PACSIN1: variants seen among roughly 807,000 people sequenced by gnomAD.
PACSIN1 encodes the protein protein kinase C and casein kinase substrate in neurons protein 1.
PACSIN1 carries 15 observed loss-of-function variants against 59.5 expected under a neutral mutation model. The observed-to-expected ratio is 0.25, with a 90% CI of 0.17 to 0.39. The LOEUF (loss-of-function observed/expected upper bound fraction) is 0.39. Among genes scored for constraint, PACSIN1 ranks in the 10% least tolerant of loss-of-function variants. The pLI, the probability that PACSIN1 is intolerant of heterozygous loss-of-function variation, is 1.00. For synonymous variants in PACSIN1, 210 were observed against 220.6 expected, an observed-to-expected ratio of 0.95 and a Z score of 0.42; for missense variants, 420 against 580.2, an observed-to-expected ratio of 0.72 and a Z score of 2.84.
chr6:34,512,085 G>A (rs572229996), intron 1 of PACSIN1, among the ~76,000 whole-genome samples: 5 of 151,740 alleles, frequency 3.3e-5, no homozygotes, highest in African/African-American at 1.2e-4. Context: ...GTGTGCCTGT[G>A]TGTGTGTGTA....
intron 1 of PACSIN1, among the ~76,000 whole-genome samples, chr6:34,497,417 G>C (rs938794471): frequency 6.6e-6 from 1 of 152,128 alleles, no homozygotes; most frequent in South Asian, 2.1e-4. Flanking sequence ...TATCATCCGC[G>C]GTTAAAGATG....
Position 34,530,627 on chromosome 6 carries a change from C to T in PACSIN1, c.1037+40C>T. On this transcript the variant is annotated intron_variant, in intron 8 of 9. Coordinates refer to ENST00000244458, the MANE Select transcript of PACSIN1 (RefSeq NM_020804.5). The surrounding 1 kb of genome is among the most constrained non-coding windows in gnomAD (Gnocchi z 4.4). ...TGGAGCTTCCTGGGGCCAAGAGGGA[C>T]CCACACTCTGGGGCAGCTGAGTTTT... 2.0e-6 allele frequency: 3 copies of T among 1,504,930 alleles called. No individual in the cohort carries two copies. Among genetic ancestry groups the T allele is most frequent in the Non-Finnish European group, 2.7e-6 (3 of 1,126,176 alleles). The allele number at this position is 1,504,930 out of a possible 1,614,324, so 93.2% of individuals were successfully genotyped here. A position where few individuals can be genotyped will look rare whatever the true frequency, so the allele number is the denominator to read the frequency against.
chr6:34,504,266 G>C (rs1767070402), intron 1 of PACSIN1, among the ~76,000 whole-genome samples: 1 of 9,584 alleles, frequency 1.0e-4, no homozygotes, highest in African/African-American at 3.1e-4. Context: ...GTGTGTGTGT[G>C]TGTGTATATA....
At chr6:34,511,036 T>G (rs910681557) in intron 1 of PACSIN1, among the ~76,000 whole-genome samples, 8 of 152,218 alleles carry the variant, frequency 5.3e-5, no homozygotes, top group Admixed American at 3.3e-4. Flanking sequence ...TTGGTAGCAC[T>G]GCTCATCATT....
intron 1 of PACSIN1, among the ~76,000 whole-genome samples, chr6:34,487,279 C>G (rs1449354715): frequency 1.3e-5 from 2 of 152,150 alleles, no homozygotes; most frequent in African/African-American, 4.8e-5. Context: ...TGGAAGGTTC[C>G]CTCCTGCTCC....
At chr6:34,470,021 CA>C (rs1422243600) in intron 1 of PACSIN1, among the ~76,000 whole-genome samples, 1 of 152,092 alleles carries the variant, frequency 6.6e-6, no homozygotes, top group African/African-American at 2.4e-5. Flanking sequence ...GGTTTCCAGC[CA>C]GGGGCAGGGT....
At chr6:34,467,840 G>C (rs572461948) in intron 1 of PACSIN1, among the ~76,000 whole-genome samples, 2 of 152,254 alleles carry the variant, frequency 1.3e-5, no homozygotes, top group African/African-American at 4.8e-5. Context: ...TTACAGGCCT[G>C]AGCCATCATG....
rs1767562222 is a variant in PACSIN1, at chr6:34,530,017, G to T, written c.788+176G>T. Among the ~76,000 whole-genome samples, 1 of 152,150 alleles carries T rather than the reference G, an allele frequency of 6.6e-6. No homozygotes were observed. Among genetic ancestry groups the T allele is most frequent in the African/African-American group, 2.4e-5 (1 of 41,416 alleles). On this transcript the variant is annotated intron_variant, in intron 6 of 9. Transcript: ENST00000244458. The surrounding 1 kb of genome is among the most constrained non-coding windows in gnomAD (Gnocchi z 4.4). ...GTTGAGTGCAAGCTGACGCACACTG[G>T]GTACTCTAGAAACACATGCTGGATG... is the stretch of plus-strand genomic sequence containing the variant.
chr6:34,499,816 G>A (rs1766998939), intron 1 of PACSIN1, among the ~76,000 whole-genome samples: 1 of 151,616 alleles, frequency 6.6e-6, no homozygotes, highest in South Asian at 2.1e-4. Context: ...AAAAGAAAAA[G>A]AAAATATAGG....
intron 1 of PACSIN1, among the ~76,000 whole-genome samples, chr6:34,512,828 T>C (rs1317277990): frequency 1.3e-5 from 2 of 152,220 alleles, no homozygotes; most frequent in East Asian, 1.9e-4. Context: ...CTTAATGGAA[T>C]CAATGTGAGG....
chr6:34,494,200 G>A (rs1432192640), intron 1 of PACSIN1, among the ~76,000 whole-genome samples: 1 of 152,108 alleles, frequency 6.6e-6, no homozygotes, highest in Non-Finnish European at 1.5e-5. Flanking sequence ...ACTCAGGCTG[G>A]CTCCTTGGTA....
intron 1 of PACSIN1, among the ~76,000 whole-genome samples, chr6:34,500,937 C>A (rs868600972): frequency 1.3e-5 from 2 of 152,222 alleles, no homozygotes; most frequent in South Asian, 2.1e-4. Flanking sequence ...CTAGCTTCAA[C>A]CTTTTCTTCT....
At chr6:34,504,290 AT>A (rs368149319) in intron 1 of PACSIN1, among the ~76,000 whole-genome samples, 3,060 of 93,952 alleles carry the variant, frequency 0.033, 40 homozygotes, top group Non-Finnish European at 0.048. Flanking sequence ...ATATATATAT[AT>A]TTTTTTTTTT....
At chr6:34,522,854 G>GC (rs1420448863) in intron 1 of PACSIN1, among the ~76,000 whole-genome samples, 1 of 152,216 alleles carries the variant, frequency 6.6e-6, no homozygotes, top group Non-Finnish European at 1.5e-5. Flanking sequence ...CAGGAGAAGA[G>GC]CGTCAGCTCC....
In PACSIN1 at chr6:34,530,447, C is replaced by G. The variant is rs754959563; in HGVS notation, c.910-13C>G. On this transcript the variant is annotated splice_polypyrimidine_tract_variant and intron_variant, in intron 7 of 9. Coordinates refer to ENST00000244458, the MANE Select transcript of PACSIN1 (RefSeq NM_020804.5). This position sits in a 1 kb window ranked among gnomAD's most constrained non-coding sequence, Gnocchi z 4.4. ...ATAGTCCCCCAGCCTGACTGCTCCA[C>G]TGGCCCCACCAGGAGTGGAACCCAG... 6.3e-7 allele frequency: 1 copy of G among 1,596,984 alleles called. No homozygotes were observed. The highest frequency in any genetic ancestry group is 8.5e-7 in the Non-Finnish European group (1 of 1,170,136).
chr6:34,531,134 T>G lies in PACSIN1; in HGVS notation c.1038-466T>G, dbSNP rs1767586545. Among the ~76,000 whole-genome samples, 1 of 152,228 alleles carries G rather than the reference T, an allele frequency of 6.6e-6. No homozygotes were observed. The highest frequency in any genetic ancestry group is 6.5e-5 in the Admixed American group (1 of 15,284). On this transcript the variant is annotated intron_variant, in intron 8 of 9. Transcript: ENST00000244458. The surrounding 1 kb of genome is among the most constrained non-coding windows in gnomAD (Gnocchi z 4.4). ...ATATCCTTCTAGAGCACCTACTGTG[T>G]GTGGCACGGTTCTATGCACTTTCCA...
In PACSIN1 at chr6:34,528,748, C is replaced by T. The variant is rs977836104; in HGVS notation, c.327C>T (p.Asp109=). Residue 109 remains aspartate (D), a synonymous_variant, in exon 4 of 10, where the codon GAC becomes GAT. Transcript: ENST00000244458. ...QEVKNNLLNE[D]LEKVKNWQKD... ...TGAAGAACAATCTGCTGAATGAGGA[C>T]CTGGAGAAGGTGAAGAACTGGCAGA... 6.2e-7 allele frequency: 1 copy of T among 1,614,010 alleles called. No individual in the cohort carries two copies. The highest frequency in any genetic ancestry group is 8.5e-7 in the Non-Finnish European group (1 of 1,180,004).
At chr6:34,490,241 T>TC (rs1188683542) in intron 1 of PACSIN1, among the ~76,000 whole-genome samples, 1 of 148,238 alleles carries the variant, frequency 6.7e-6, no homozygotes, top group Non-Finnish European at 1.5e-5. Flanking sequence ...TTTTTTTTTT[T>TC]TTTTTTGTAG....
At position 34,534,608 on chromosome 6, in the gene PACSIN1, C is replaced by G. The variant is rs957321687; in HGVS notation, c.*2078C>G. 6.5e-6 allele frequency: 1 copy of G among 152,870 alleles called. No individual in the cohort carries two copies. The highest frequency in any genetic ancestry group is 1.9e-4 in the East Asian group (1 of 5,184). 9.5% of individuals were successfully genotyped at this position (152,870 alleles called of 1,614,324 possible). A position where few individuals can be genotyped will look rare whatever the true frequency, so the allele number is the denominator to read the frequency against. ...CCCCCTCTCTGTGCCAGCGGCTTCC[C>G]AGCACCTGGGAGGGGCTGCAGCCCC... On this transcript the variant is annotated 3_prime_UTR_variant, in exon 10 of 10. Transcript: ENST00000244458.
Sources: allele counts gnomAD v4.1 joint callset (sites outside exome capture counted in the v4.1 genomes callset), GRCh38; gene constraint gnomAD v4.1.1; non-coding constraint Gnocchi (gnomAD v3.1); transcripts MANE v1.5; gene names NCBI Gene and HGNC (gene_info 2026-07-23, HGNC 2026-07-21).